LYN: variants seen among roughly 807,000 people sequenced by gnomAD.
LYN encodes tyrosine-protein kinase Lyn.
LYN carries 12 observed loss-of-function variants against 65.0 expected under a neutral mutation model. That is an observed-to-expected ratio of 0.18 (90% CI 0.12 to 0.30). The LOEUF (loss-of-function observed/expected upper bound fraction) is 0.30, where lower values mean the gene tolerates loss of function less well. Ranked by LOEUF, LYN falls within the 10% of genes least tolerant of loss-of-function variation. The probability of loss-of-function intolerance (pLI) is 1.00; values close to 1 mark genes in which losing one functional copy is unlikely to be tolerated. For synonymous variants in LYN, 222 were observed against 221.2 expected, an observed-to-expected ratio of 1.00 and a Z score of -0.03; for missense variants, 380 against 623.2, an observed-to-expected ratio of 0.61 and a Z score of 4.16.
rs1290885838 is a variant in LYN, at chr8:56,002,656, TAAAA to T, written c.1336+3109_1336+3112del. On this transcript the variant is annotated intron_variant, in intron 12 of 12. Transcript: ENST00000519728. ...AATTAAATTAAATTAAATTAAAAAA[TAAAA>T]AGAGAACCAGTAGAAAAATGGTGAG... 5.6e-5 allele frequency among the ~76,000 whole-genome samples: 8 copies of T among 143,974 alleles called. No homozygotes were observed. The East Asian group carries it at 9.7e-4, about 18-fold the overall frequency. 94.5% of individuals were successfully genotyped at this position (143,974 alleles called of 152,430 possible).
At chr8:55,962,733 C>T (rs1377360676) in intron 8 of LYN, among the ~76,000 whole-genome samples, 1 of 152,156 alleles carries the variant, frequency 6.6e-6, no homozygotes, top group East Asian at 1.9e-4. Context: ...CATGTTAGTC[C>T]ATTTTGCTTT....
At chr8:55,914,293 A>G (rs889868753) in intron 1 of LYN, among the ~76,000 whole-genome samples, 3 of 152,074 alleles carry the variant, frequency 2.0e-5, no homozygotes, top group Non-Finnish European at 2.9e-5. Flanking sequence ...GAAGGGGGAC[A>G]CTGTATTCTA....
chr8:55,955,885 G>A (rs1449424834), intron 8 of LYN, among the ~76,000 whole-genome samples: 1 of 152,132 alleles, frequency 6.6e-6, no homozygotes, highest in Non-Finnish European at 1.5e-5. Flanking sequence ...ATATTCCATT[G>A]CATGACTATA....
intron 12 of LYN, among the ~76,000 whole-genome samples, chr8:56,006,399 A>G (rs2130598453): frequency 6.6e-6 from 1 of 152,318 alleles, no homozygotes; most frequent in South Asian, 2.1e-4. Flanking sequence ...TTCCTGATAC[A>G]CATACACACA....
chr8:55,971,456 G>C (rs1807606974), intron 10 of LYN, among the ~76,000 whole-genome samples: 1 of 152,220 alleles, frequency 6.6e-6, no homozygotes, highest in Non-Finnish European at 1.5e-5. Flanking sequence ...TGGTGATTTG[G>C]GTGTCCCCAT....
intron 1 of LYN, among the ~76,000 whole-genome samples, chr8:55,932,171 A>C (rs1435924864): frequency 6.6e-6 from 1 of 152,186 alleles, no homozygotes; most frequent in Non-Finnish European, 1.5e-5. Flanking sequence ...CTTGAATCTC[A>C]AATGTAATAA....
At chr8:55,949,247 T>C (rs985137407) in intron 4 of LYN, among the ~76,000 whole-genome samples, 3 of 152,264 alleles carry the variant, frequency 2.0e-5, no homozygotes, top group Admixed American at 6.5e-5. Flanking sequence ...CTCATTTCTA[T>C]AAGGATTTGA....
intron 1 of LYN, among the ~76,000 whole-genome samples, chr8:55,898,098 T>A (rs1185276097): frequency 6.6e-6 from 1 of 152,090 alleles, no homozygotes; most frequent in Non-Finnish European, 1.5e-5. Flanking sequence ...ATTTTCATAA[T>A]GAGAATACAG....
At chr8:56,003,667 C>T (rs1236979780) in intron 12 of LYN, among the ~76,000 whole-genome samples, 1 of 146,290 alleles carries the variant, frequency 6.8e-6, no homozygotes, top group Non-Finnish European at 1.5e-5. Flanking sequence ...AAGCGAGACT[C>T]TGTCTCAAAA....
intron 11 of LYN, 106 bp from the exon 12 acceptor site, chr8:55,999,312 C>T: frequency 2.0e-6 from 2 of 990,236 alleles, no homozygotes; most frequent in African/African-American, 1.6e-5. Context: ...AAGAGTGAAA[C>T]TCCGCCTCAA....
intron 9 of LYN, among the ~76,000 whole-genome samples, chr8:55,967,985 A>G (rs1807509939): frequency 6.6e-6 from 1 of 152,232 alleles, no homozygotes; most frequent in African/African-American, 2.4e-5. Context: ...GAATAGATTC[A>G]AAAGATGAAT....
At chr8:55,984,594 A>G (rs1464160804) in intron 10 of LYN, among the ~76,000 whole-genome samples, 1 of 152,210 alleles carries the variant, frequency 6.6e-6, no homozygotes. Context: ...AGTCCTGCAC[A>G]TGGTCACTCT....
chr8:55,964,563 A>G (rs948828871), intron 8 of LYN, among the ~76,000 whole-genome samples: 2 of 152,198 alleles, frequency 1.3e-5, no homozygotes, highest in Non-Finnish European at 2.9e-5. Flanking sequence ...TAAAAAAATC[A>G]TTTTTTAAAA....
At chr8:55,911,199 A>G (rs368839893) in intron 1 of LYN, among the ~76,000 whole-genome samples, 3,129 of 18,684 alleles carry the variant, frequency 0.17, 1,065 homozygotes, top group Middle Eastern at 0.38. Context: ...ACACACACAC[A>G]TATATATATA....
chr8:55,909,428 G>C (rs763788714), intron 1 of LYN, among the ~76,000 whole-genome samples: 1 of 152,140 alleles, frequency 6.6e-6, no homozygotes, highest in Non-Finnish European at 1.5e-5. Context: ...ACTTGGACAT[G>C]TTCAGTCATA....
intron 1 of LYN, among the ~76,000 whole-genome samples, chr8:55,898,372 T>G (rs987137229): frequency 6.6e-6 from 1 of 152,062 alleles, no homozygotes; most frequent in Non-Finnish European, 1.5e-5. Flanking sequence ...CACTGCAACC[T>G]CCGCCTTCCG....
chr8:55,996,055 A>G (rs779278319), intron 10 of LYN, among the ~76,000 whole-genome samples: 2 of 152,220 alleles, frequency 1.3e-5, no homozygotes, highest in African/African-American at 4.8e-5. Context: ...ACAAGTTTGA[A>G]GGCTCCAATG....
At chr8:55,911,190 C>CGTGTATATATATGTACATATATAT (rs1554576221) in intron 1 of LYN, among the ~76,000 whole-genome samples, 5 of 11,582 alleles carry the variant, frequency 4.3e-4, no homozygotes, top group Non-Finnish European at 9.6e-4. Context: ...TATATATATA[C>CGTGTATATATATGTACATATATAT]ACACACACAT....
chr8:55,914,307 G>T (rs936064263), intron 1 of LYN, among the ~76,000 whole-genome samples: 14 of 152,038 alleles, frequency 9.2e-5, no homozygotes, highest in African/African-American at 3.4e-4. Flanking sequence ...TATTCTAAGG[G>T]GGCCAGTCCT....
Sources: allele counts gnomAD v4.1 joint callset (sites outside exome capture counted in the v4.1 genomes callset), GRCh38; gene constraint gnomAD v4.1.1; transcripts MANE v1.5; gene names NCBI Gene and HGNC (gene_info 2026-07-23, HGNC 2026-07-21).